The following MCTP1 variants were observed in gnomAD, a reference collection of about 807,000 sequenced individuals.
The protein encoded by MCTP1 is multiple C2 and transmembrane domain-containing protein 1.
A neutral mutation model predicts 120.6 loss-of-function variants in MCTP1; 69 were observed. The ratio of observed to expected loss-of-function variants is 0.57; its 90% CI spans 0.47 to 0.70. The LOEUF is 0.70. MCTP1 is among the 30% of genes least tolerant of loss of function. MCTP1 has a pLI of 0.00. For missense variants in MCTP1, 1,203 were observed against 1,248.8 expected, an observed-to-expected ratio of 0.96 and a Z score of 0.55; for synonymous variants, 529 against 493.1, an observed-to-expected ratio of 1.07 and a Z score of -0.96.
chr5:95,012,717 A>G (rs1396503319), intron 2 of MCTP1, among the ~76,000 whole-genome samples: 1 of 152,088 alleles, frequency 6.6e-6, no homozygotes, highest in African/African-American at 2.4e-5. Context: ...AGACTGAGAA[A>G]TTAATCAGTG....
intron 1 of MCTP1, among the ~76,000 whole-genome samples, chr5:95,277,488 C>G (rs13162504): frequency 6.6e-6 from 1 of 152,172 alleles, no homozygotes; most frequent in Non-Finnish European, 1.5e-5. Context: ...TGAAGCTTTT[C>G]CAGAGGTCTT....
intron 1 of MCTP1, among the ~76,000 whole-genome samples, chr5:95,122,056 A>G (rs188850538): frequency 3.3e-5 from 5 of 152,180 alleles, no homozygotes. Flanking sequence ...AAAAGAAAAC[A>G]TTGAGAAAAC....
At chr5:94,998,466 AAC>A (rs1833039906) in intron 2 of MCTP1, among the ~76,000 whole-genome samples, 3 of 152,180 alleles carry the variant, frequency 2.0e-5, no homozygotes, top group Admixed American at 2.0e-4. Context: ...CATTCTAGGA[AAC>A]ACAGACCAAC....
At chr5:95,228,886 C>T (rs1221488235) in intron 1 of MCTP1, among the ~76,000 whole-genome samples, 47 of 152,142 alleles carry the variant, frequency 3.1e-4, no homozygotes, top group Admixed American at 3.1e-3. Flanking sequence ...CCTGAGGCCT[C>T]CCCAGAAGCC....
At chr5:95,011,333 A>G (rs1048465717) in intron 2 of MCTP1, among the ~76,000 whole-genome samples, 1 of 152,140 alleles carries the variant, frequency 6.6e-6, no homozygotes, top group African/African-American at 2.4e-5. Flanking sequence ...CTACCATAAG[A>G]AATGCTTATA....
intron 1 of MCTP1, among the ~76,000 whole-genome samples, chr5:95,262,698 C>T (rs1315397236): frequency 1.3e-5 from 2 of 152,018 alleles, no homozygotes; most frequent in Non-Finnish European, 2.9e-5. Context: ...TACAAAGTAG[C>T]TTAATTTAAA....
chr5:94,992,072 C>A (rs1831669784), intron 2 of MCTP1, among the ~76,000 whole-genome samples: 1 of 152,158 alleles, frequency 6.6e-6, no homozygotes, highest in Admixed American at 6.6e-5. Flanking sequence ...ACAGCAGTCA[C>A]TTGGTAGGAC....
At chr5:95,028,496 C>T (rs1032222110) in intron 1 of MCTP1, among the ~76,000 whole-genome samples, 1 of 152,070 alleles carries the variant, frequency 6.6e-6, no homozygotes, top group South Asian at 2.1e-4. Context: ...TTCAGTGCTC[C>T]CAGAATGTCT....
intron 1 of MCTP1, among the ~76,000 whole-genome samples, chr5:95,018,981 A>T (rs934000913): frequency 6.6e-6 from 1 of 152,050 alleles, no homozygotes; most frequent in Non-Finnish European, 1.5e-5. Flanking sequence ...AAACACATAC[A>T]TATAGGTTTG....
chr5:94,959,814 G>A (rs950967244), intron 2 of MCTP1, among the ~76,000 whole-genome samples: 1 of 152,184 alleles, frequency 6.6e-6, no homozygotes, highest in African/African-American at 2.4e-5. Context: ...TGAATAGGAA[G>A]AATCAATATC....
intron 1 of MCTP1, among the ~76,000 whole-genome samples, chr5:95,249,085 T>G (rs1757117833): frequency 6.6e-6 from 1 of 152,118 alleles, no homozygotes; most frequent in Non-Finnish European, 1.5e-5. Flanking sequence ...GCAATACCAT[T>G]CAGGACATAG....
intron 19 of MCTP1, among the ~76,000 whole-genome samples, chr5:94,742,959 C>A (rs1378438858): frequency 2.0e-5 from 3 of 151,982 alleles, no homozygotes; most frequent in Non-Finnish European, 4.4e-5. Context: ...GTAAACAAAT[C>A]CTTAGGATAC....
At chr5:95,252,989 G>A in intron 1 of MCTP1, among the ~76,000 whole-genome samples, 1 of 152,126 alleles carries the variant, frequency 6.6e-6, no homozygotes, top group Non-Finnish European at 1.5e-5. Flanking sequence ...TAGGTAGACT[G>A]ACAAACAAGA....
intron 1 of MCTP1, among the ~76,000 whole-genome samples, chr5:95,071,603 A>C (rs367831530): frequency 6.6e-6 from 1 of 152,120 alleles, no homozygotes; most frequent in South Asian, 2.1e-4. Context: ...CATTGTGTCC[A>C]TTTCTCCTCC....
At chr5:95,012,811 C>CACA (rs749378676) in intron 2 of MCTP1, among the ~76,000 whole-genome samples, 2 of 152,086 alleles carry the variant, frequency 1.3e-5, no homozygotes, top group Non-Finnish European at 2.9e-5. Context: ...TTACCTGAGA[C>CACA]ACAACATTAC....
chr5:95,088,177 G>A (rs1755575648), intron 1 of MCTP1, among the ~76,000 whole-genome samples: 1 of 152,180 alleles, frequency 6.6e-6, no homozygotes, highest in South Asian at 2.1e-4. Context: ...TGGGCCCACG[G>A]GGCTTTGGGC....
At chr5:95,205,249 T>A (rs1751496990) in intron 1 of MCTP1, among the ~76,000 whole-genome samples, 1 of 152,086 alleles carries the variant, frequency 6.6e-6, no homozygotes, top group South Asian at 2.1e-4. Flanking sequence ...GAAAAAATAG[T>A]CTTTCAACAT....
chr5:95,087,659 C>A (rs1755532375), intron 1 of MCTP1, among the ~76,000 whole-genome samples: 1 of 152,272 alleles, frequency 6.6e-6, no homozygotes, highest in East Asian at 1.9e-4. Context: ...CGTCTCAGAC[C>A]AGGAAGTAGG....
chr5:95,176,008 C>T (rs1276747786), intron 1 of MCTP1, among the ~76,000 whole-genome samples: 1 of 152,132 alleles, frequency 6.6e-6, no homozygotes, highest in East Asian at 1.9e-4. Context: ...GGCTCTAACA[C>T]CAAAACCTCA....
Sources: gnomAD v4.1 joint callset for allele counts (sites outside exome capture counted in the v4.1 genomes callset) on GRCh38, gnomAD v4.1.1 for gene constraint, MANE v1.5 for transcripts, NCBI Gene and HGNC (gene_info 2026-07-23, HGNC 2026-07-21) for gene names.